SHANK1: variants seen among roughly 807,000 people sequenced by gnomAD.
SHANK1 encodes SH3 and multiple ankyrin repeat domains protein 1.
Under a neutral mutation model 165.6 loss-of-function variants are expected in SHANK1, and 35 were observed. The ratio of observed to expected loss-of-function variants is 0.21; its 90% CI spans 0.16 to 0.28. The LOEUF is 0.28. Ranked by LOEUF, SHANK1 falls within the 10% of genes least tolerant of loss-of-function variation. The probability of loss-of-function intolerance (pLI) is 1.00; values close to 1 mark genes in which losing one functional copy is unlikely to be tolerated. For synonymous variants in SHANK1, 1,428 were observed against 1,384.8 expected (o/e 1.03, Z -0.69); for missense variants, 2,681 against 3,036.4 (o/e 0.88, Z 2.75).
chr19:50,707,356 C>T (rs574991352), intron 8 of SHANK1, among the ~76,000 whole-genome samples: 47 of 152,154 alleles, frequency 3.1e-4, no homozygotes, highest in Non-Finnish European at 5.6e-4. Flanking sequence ...GCCTCCAGCT[C>T]AACTCTACCC....
At chr19:50,671,452 G>A (rs1454166099) in intron 22 of SHANK1, among the ~76,000 whole-genome samples, 1 of 150,986 alleles carries the variant, frequency 6.6e-6, no homozygotes, top group Admixed American at 6.6e-5. Context: ...CAAAGTGCTG[G>A]GATTACAGGC....
chr19:50,719,557 G>T lies in SHANK1; in HGVS notation c.-195C>A, dbSNP rs1304493787. Reference sequence around the variant, plus strand: ...CCCGGGGAGGGGGCGGGCGGGGACCGGGGGGGAGGGCGGGAGGGCCGAGGA... The same window carrying T: ...CCCGGGGAGGGGGCGGGCGGGGACCTGGGGGGAGGGCGGGAGGGCCGAGGA... On this transcript the variant is annotated 5_prime_UTR_variant, in exon 1 of 24. Transcript: ENST00000293441. 7.5e-6 allele frequency: 1 copy of T among 133,020 alleles called. No homozygotes were observed. Among genetic ancestry groups the T allele is most frequent in the Non-Finnish European group, 1.6e-5 (1 of 62,228 alleles). The allele number at this position is 133,020 out of a possible 1,614,324, so 8.2% of individuals were successfully genotyped here. A position where few individuals can be genotyped will look rare whatever the true frequency, so the allele number is the denominator to read the frequency against.
chr19:50,666,827 C>A lies in SHANK1; in HGVS notation c.5133G>T (p.Gly1711=), dbSNP rs186659978. 2,353 of 1,550,850 alleles carry A rather than the reference C, an allele frequency of 1.5e-3. 38 individuals are homozygous for A. The African/African-American group carries it at 0.029, about 19-fold the overall frequency. The change falls in exon 23 of 24, where the codon GGG becomes GGT. Residue 1711 remains glycine (G), a synonymous_variant. Coordinates refer to ENST00000293441, the MANE Select transcript of SHANK1 (RefSeq NM_016148.5). The part of the protein sequence containing the change: ...SAEGGGSAGG[G]GGAGAGVASG... ...TGGCCACACCGGCCCCAGCCCCGCC[C>A]CCACCCCCTGCGCTGCCACCACCTT... is the stretch of plus-strand genomic sequence containing the variant.
chr19:50,673,187 G>A (rs1276144158), intron 21 of SHANK1, among the ~76,000 whole-genome samples: 1 of 152,010 alleles, frequency 6.6e-6, no homozygotes, highest in South Asian at 2.1e-4. Flanking sequence ...AGCGTGAACC[G>A]TGTCTGCTTG....
intron 15 of SHANK1, among the ~76,000 whole-genome samples, chr19:50,695,534 C>T (rs989137912): frequency 1.3e-5 from 2 of 151,686 alleles, no homozygotes; most frequent in Non-Finnish European, 2.9e-5. Flanking sequence ...AATCCCCCTC[C>T]CCCCTCCAGA....
Position 50,666,798 on chromosome 19 carries a change from C to A in SHANK1, c.5162G>T (p.Gly1721Val). Residue 1721 changes from glycine (G) to valine (V), a missense_variant, in exon 23 of 24, where the codon GGG becomes GTG. By Grantham distance (109) the Gly-to-Val change is moderately radical. Transcript: ENST00000293441. Reference protein sequence around the residue: ...GGGAGAGVASGPELLDTYVAY... With the variant: ...GGGAGAGVASVPELLDTYVAY... ...CACATAGGTGTCCAGAAGCTCCGGC[C>A]CACTGGCCACACCGGCCCCAGCCCC... 6.5e-7 allele frequency: 1 copy of A among 1,550,264 alleles called. No homozygotes were observed. Among genetic ancestry groups the A allele is most frequent in the Non-Finnish European group, 8.7e-7 (1 of 1,147,906 alleles).
chr19:50,673,497 G>C (rs1395103083), intron 21 of SHANK1, among the ~76,000 whole-genome samples: 1 of 152,024 alleles, frequency 6.6e-6, no homozygotes, highest in African/African-American at 2.4e-5. Context: ...TTTTCAGCGC[G>C]AAGTTCTCCT....
At chr19:50,705,966 G>A (rs189638514) in intron 8 of SHANK1, among the ~76,000 whole-genome samples, 1 of 152,108 alleles carries the variant, frequency 6.6e-6, no homozygotes, top group African/African-American at 2.4e-5. Flanking sequence ...AGACCAGCCT[G>A]GGCAACATGG....
In SHANK1 at chr19:50,686,877, C is replaced by T. The variant is rs1433845921; in HGVS notation, c.2390-65G>A. The T allele has an allele frequency of 4.2e-5, 67 of 1,590,188 alleles. No individual in the cohort carries two copies. Among genetic ancestry groups the T allele is most frequent in the Non-Finnish European group, 5.1e-5 (59 of 1,164,404 alleles). The stretch of plus-strand genomic sequence containing the variant: ...GGGGGCGGGGCGGAGCGGGCTCGGC[C>T]TGTGGGCGTGGCCAGCAGGTGCGGG... On this transcript the variant is annotated intron_variant, in intron 19 of 23. Coordinates refer to ENST00000293441, the MANE Select transcript of SHANK1 (RefSeq NM_016148.5). The surrounding 1 kb of genome is among the most constrained non-coding windows in gnomAD (Gnocchi z 5.7).
chr19:50,676,284 C>T (rs761562400), intron 21 of SHANK1, among the ~76,000 whole-genome samples: 19 of 152,098 alleles, frequency 1.2e-4, no homozygotes, highest in South Asian at 1.2e-3. Flanking sequence ...GCTTGGGTAA[C>T]GGAACAAGAC....
In SHANK1 at chr19:50,686,658, G is replaced by A. The variant is rs373975728; in HGVS notation, c.2458+86C>T. 1.2e-4 allele frequency: 151 copies of A among 1,275,392 alleles called. No individual in the cohort carries two copies. In the East Asian group the frequency reaches 3.2e-3, roughly 27 times the overall value. 79.0% of individuals were successfully genotyped at this position (1,275,392 alleles called of 1,614,324 possible). On this transcript the variant is annotated intron_variant, in intron 20 of 23. Coordinates refer to ENST00000293441, the MANE Select transcript of SHANK1 (RefSeq NM_016148.5). The surrounding 1 kb of genome is among the most constrained non-coding windows in gnomAD (Gnocchi z 5.7). ...TCTCTGGGGCAGGAAGGTGAGGGGCGCCGTGGGGTTCATGGTGGGACAGGG... is the reference window on the plus strand; with the variant it reads ...TCTCTGGGGCAGGAAGGTGAGGGGCACCGTGGGGTTCATGGTGGGACAGGG...
chr19:50,687,068 G>C (rs1167677116), intron 19 of SHANK1: 2 of 1,435,642 alleles, frequency 1.4e-6, no homozygotes, highest in Non-Finnish European at 1.8e-6. Context: ...CAGTAGAGGA[G>C]CCAAGAGTTA....
chr19:50,677,412 G>C (rs1986017647), intron 21 of SHANK1, among the ~76,000 whole-genome samples: 1 of 152,152 alleles, frequency 6.6e-6, no homozygotes, highest in Admixed American at 6.5e-5. Flanking sequence ...ACAGGTGTGA[G>C]CCACTCATGC....
At chr19:50,677,740 A>G (rs1364096324) in intron 21 of SHANK1, among the ~76,000 whole-genome samples, 1 of 152,190 alleles carries the variant, frequency 6.6e-6, no homozygotes, top group East Asian at 1.9e-4. Flanking sequence ...TCCTCTGAAC[A>G]TCCCCATCAA....
intron 15 of SHANK1, among the ~76,000 whole-genome samples, chr19:50,693,377 C>T (rs1273181583): frequency 6.6e-6 from 1 of 151,660 alleles, no homozygotes; most frequent in Non-Finnish European, 1.5e-5. Context: ...TAGTCCCTCC[C>T]CCTTGCCCCC....
At chr19:50,682,284 G>A (rs1449005591) in intron 21 of SHANK1, among the ~76,000 whole-genome samples, 1 of 150,740 alleles carries the variant, frequency 6.6e-6, no homozygotes, top group African/African-American at 2.4e-5. Flanking sequence ...TTGATCTGTT[G>A]CCCTTGTGAT....
At chr19:50,707,891 C>CTTTTCTT (rs2088960905) in intron 8 of SHANK1, among the ~76,000 whole-genome samples, 1 of 5,686 alleles carries the variant, frequency 1.8e-4, no homozygotes, top group South Asian at 3.0e-3. Context: ...CTTTTCTTTT[C>CTTTTCTT]TTTTCTTTTC....
In SHANK1 at chr19:50,688,733, A is replaced by C; in HGVS notation, c.2172+111T>G. ...CTGGGGGGTGGGCAGGGGGCTGGGA[A>C]TCCTGGTGCCAAAGGAGAATAAAAC... On this transcript the variant is annotated intron_variant, in intron 17 of 23. Transcript: ENST00000293441. This position sits in a 1 kb window ranked among gnomAD's most constrained non-coding sequence, Gnocchi z 6.7. The C allele has an allele frequency of 8.8e-7, 1 of 1,131,684 alleles. No individual in the cohort carries two copies. The highest frequency in any genetic ancestry group is 1.3e-6 in the Non-Finnish European group (1 of 798,620). 70.1% of individuals were successfully genotyped at this position (1,131,684 alleles called of 1,614,324 possible).
chr19:50,670,562 G>T lies in SHANK1; in HGVS notation c.2675-1277C>A, dbSNP rs932878184. Among the ~76,000 whole-genome samples the T allele has an allele frequency of 3.3e-5, 5 of 152,156 alleles. No individual in the cohort carries two copies. Among genetic ancestry groups the T allele is most frequent in the African/African-American group, 1.2e-4 (5 of 41,432 alleles). On this transcript the variant is annotated intron_variant, in intron 22 of 23. Transcript: ENST00000293441. The surrounding 1 kb of genome is among the most constrained non-coding windows in gnomAD (Gnocchi z 4.1). The stretch of plus-strand genomic sequence containing the variant: ...ATTCACTCACCTCACTCAGGGCAAA[G>T]GTTCAAGTCCTCACCATGACTCCCC...
Sources: gnomAD v4.1 joint callset for allele counts (sites outside exome capture counted in the v4.1 genomes callset) on GRCh38, gnomAD v4.1.1 for gene constraint, Gnocchi (gnomAD v3.1) non-coding constraint, MANE v1.5 for transcripts, NCBI Gene and HGNC (gene_info 2026-07-23, HGNC 2026-07-21) for gene names.